The following SEMA4A variants were observed in gnomAD, a reference collection of about 807,000 sequenced individuals.
SEMA4A encodes the protein semaphorin-4A.
SEMA4A carries 52 observed loss-of-function variants against 72.5 expected under a neutral mutation model. The observed-to-expected ratio is 0.72, with a 90% CI of 0.57 to 0.90. SEMA4A has a LOEUF of 0.90. Ranked by LOEUF, SEMA4A falls within the 40% of genes least tolerant of loss-of-function variation. SEMA4A has a pLI of 0.00. For missense variants in SEMA4A, 926 were observed against 959.7 expected, an observed-to-expected ratio of 0.96 and a Z score of 0.46; for synonymous variants, 369 against 393.1, an observed-to-expected ratio of 0.94 and a Z score of 0.73.
rs1653135851 is a variant in SEMA4A, at chr1:156,157,376, G to T, written c.301-694G>T. On this transcript the variant is annotated intron_variant, in intron 3 of 14. Coordinates refer to ENST00000368285, the MANE Select transcript of SEMA4A (RefSeq NM_022367.4). The surrounding 1 kb of genome is among the most constrained non-coding windows in gnomAD (Gnocchi z 4.5). ...TTTTTCTGTTTTTAGTAGAGACGGG[G>T]TTTCACCATGTTGGTCAGCCTGGTC... Among the ~76,000 whole-genome samples the T allele has an allele frequency of 6.6e-6, 1 of 151,494 alleles. No homozygotes were observed. The highest frequency in any genetic ancestry group is 2.4e-5 in the African/African-American group (1 of 41,210).
At position 156,162,811 on chromosome 1, in the gene SEMA4A, G is replaced by A. The variant is rs878928706; in HGVS notation, c.984-133G>A. The A allele has an allele frequency of 2.8e-6, 3 of 1,070,872 alleles. No individual in the cohort carries two copies. In the South Asian group the frequency reaches 3.9e-5, roughly 14 times the overall value. The allele number at this position is 1,070,872 out of a possible 1,614,324, so 66.3% of individuals were successfully genotyped here. A position where few individuals can be genotyped will look rare whatever the true frequency, so the allele number is the denominator to read the frequency against. Reference sequence around the variant, plus strand: ...GCCCTTATCAACACAGTGAGGGGAAGGAGTGGTAGCTGGAGGCTGGCCCAG... The same window carrying A: ...GCCCTTATCAACACAGTGAGGGGAAAGAGTGGTAGCTGGAGGCTGGCCCAG... On this transcript the variant is annotated intron_variant, in intron 9 of 14. Transcript: ENST00000368285.
chr1:156,164,871 G>T (rs572780270), intron 10 of SEMA4A, among the ~76,000 whole-genome samples: 16 of 152,006 alleles, frequency 1.1e-4, no homozygotes, highest in African/African-American at 3.9e-4. Flanking sequence ...CGTGATCTCG[G>T]CTCGCTGCAA....
At chr1:156,170,050 C>T (rs11264450) in intron 10 of SEMA4A, among the ~76,000 whole-genome samples, 62,730 of 151,016 alleles carry the variant, frequency 0.42, 13,183 homozygotes, top group African/African-American at 0.49. Flanking sequence ...GGCCCAGGTG[C>T]GATGGCTGAT....
chr1:156,151,393 C>A (rs1324879066), upstream of SEMA4A, among the ~76,000 whole-genome samples: 5 of 152,258 alleles, frequency 3.3e-5, no homozygotes, highest in African/African-American at 1.2e-4. Context: ...GAGGGGTGCA[C>A]TGCTGGGGGC....
chr1:156,156,084 C>T, intron 2 of SEMA4A: 1 of 376,664 alleles, frequency 2.7e-6, no homozygotes, highest in Non-Finnish European at 5.1e-6. Flanking sequence ...CTGCCTGCTG[C>T]TCCTCATCCT....
chr1:156,154,656 G>A lies in SEMA4A; in HGVS notation c.78G>A (p.Leu26=). The stretch of plus-strand genomic sequence containing the variant: ...TCTTCCAACTGCTTCAGCTGCTGCT[G>A]CCGACGACGACCGCGGGGGGAGGCG... ...LFLFQLLQLL[L]PTTTAGGGGQ... The change falls in exon 2 of 15, where the codon CTG becomes CTA. Residue 26 remains leucine, a synonymous_variant. Coordinates refer to ENST00000368285, the MANE Select transcript of SEMA4A (RefSeq NM_022367.4). 6.2e-7 allele frequency: 1 copy of A among 1,606,260 alleles called. No individual in the cohort carries two copies. Among genetic ancestry groups the A allele is most frequent in the East Asian group, 2.2e-5 (1 of 44,690 alleles).
intron 11 of SEMA4A, among the ~76,000 whole-genome samples, chr1:156,173,550 T>G (rs1215061347): frequency 1.3e-5 from 2 of 151,810 alleles, no homozygotes; most frequent in Admixed American, 6.6e-5. Flanking sequence ...GGTAAAGTTG[T>G]GGCGGGAGCA....
rs527993049 is a variant in SEMA4A, at chr1:156,157,702, C to T, written c.301-368C>T. On this transcript the variant is annotated intron_variant, in intron 3 of 14. Transcript: ENST00000368285. This position sits in a 1 kb window ranked among gnomAD's most constrained non-coding sequence, Gnocchi z 4.5. ...TTAAACAATTTCCCCAGGAAATGTG[C>T]GGTTTGACAACTGCTGCCATATATA... Among the ~76,000 whole-genome samples the T allele has an allele frequency of 2.0e-5, 3 of 152,292 alleles. No homozygotes were observed. Among genetic ancestry groups the T allele is most frequent in the East Asian group, 3.9e-4 (2 of 5,190 alleles).
At chr1:156,156,148 AAGAGCATC>A (rs989433415) in intron 2 of SEMA4A, 4 of 459,822 alleles carry the variant, frequency 8.7e-6, no homozygotes, top group African/African-American at 7.9e-5. Flanking sequence ...CCAGGCCTGG[AAGAGCATC>A]CACTGTGCCT....
At position 156,157,500 on chromosome 1, in the gene SEMA4A, C is replaced by A. The variant is rs1438121005; in HGVS notation, c.301-570C>A. ...TGCCTGGCTGCTTCTGTCTTAGTCG[C>A]CCTATTAATGGGAACAATGTGAGGA... On this transcript the variant is annotated intron_variant, in intron 3 of 14. Transcript: ENST00000368285. The surrounding 1 kb of genome is among the most constrained non-coding windows in gnomAD (Gnocchi z 4.5). 6.6e-6 allele frequency among the ~76,000 whole-genome samples: 1 copy of A among 152,032 alleles called. No homozygotes were observed. Among genetic ancestry groups the A allele is most frequent in the Non-Finnish European group, 1.5e-5 (1 of 68,006 alleles).
intron 14 of SEMA4A, 107 bp from the exon 15 acceptor site, chr1:156,176,298 A>G: frequency 5.1e-6 from 3 of 587,788 alleles, no homozygotes; most frequent in Non-Finnish European, 7.7e-6. Flanking sequence ...CCTGCCTCAA[A>G]AAAAAAAAAA....
At position 156,158,078 on chromosome 1, in the gene SEMA4A, G is replaced by A. The variant is rs754697867; in HGVS notation, c.309G>A (p.Trp103Ter). 19 of 1,614,062 alleles carry A rather than the reference G, an allele frequency of 1.2e-5. No individual in the cohort carries two copies. The highest frequency in any genetic ancestry group is 1.6e-5 in the Non-Finnish European group (19 of 1,179,990). ...GVPRLKNMIP[W>*]PASDRKKSEC... ...CAACTCCCCACTTTCAGATACCGTG[G>A]CCAGCCAGTGACAGAAAAAAGAGTG... Residue 103 changes from tryptophan to a stop codon, truncating the protein, a stop_gained, in exon 4 of 15, where the codon TGG becomes TGA. Transcript: ENST00000368285. LOFTEE classifies it high-confidence loss of function.
In SEMA4A at chr1:156,156,560, A is replaced by G. The variant is rs1344590870; in HGVS notation, c.286A>G (p.Arg96Gly). 1.9e-6 allele frequency: 3 copies of G among 1,613,870 alleles called. No homozygotes were observed. Among genetic ancestry groups the G allele is most frequent in the African/African-American group, 1.3e-5 (1 of 74,912 alleles). The part of the protein sequence containing the change: ...ALDIQDPGVP[R>G]LKNMIPWPAS... ...GGATATCCAGGATCCAGGGGTCCCC[A>G]GGCTAAAGAACATGGTGAGGAGTCC... Residue 96 changes from arginine to glycine, a missense_variant, in exon 3 of 15, where the codon AGG becomes GGG. Transcript: ENST00000368285.
intron 12 of SEMA4A, 33 bp from the exon 13 acceptor site, chr1:156,175,053 G>A (rs779688598): frequency 3.7e-5 from 59 of 1,614,074 alleles, no homozygotes; most frequent in Non-Finnish European, 4.6e-5. Flanking sequence ...AGATGTGGCT[G>A]GGGCTCCCTG....
intron 2 of SEMA4A, chr1:156,154,973 G>A: frequency 1.9e-6 from 1 of 538,302 alleles, no homozygotes; most frequent in Non-Finnish European, 3.3e-6. Flanking sequence ...GCTTCTTCCA[G>A]TTCTCCATGT....
At chr1:156,150,597 C>T (rs1035149736), upstream of SEMA4A, among the ~76,000 whole-genome samples, 2 of 152,046 alleles carry the variant, frequency 1.3e-5, no homozygotes, top group Non-Finnish European at 2.9e-5. Context: ...GGAGTTGCTT[C>T]TCTCCTGGCT....
chr1:156,162,381 G>C (rs921307505), intron 9 of SEMA4A, among the ~76,000 whole-genome samples: 7 of 152,240 alleles, frequency 4.6e-5, no homozygotes, highest in Non-Finnish European at 8.8e-5. Context: ...CAATGTGTCA[G>C]GTACCAAAGG....
intron 10 of SEMA4A, among the ~76,000 whole-genome samples, chr1:156,167,475 C>CAAAAAAAAAAAAAAA (rs58793729): frequency 9.6e-6 from 1 of 103,638 alleles, no homozygotes. Context: ...GACCCTGTCT[C>CAAAAAAAAAAAAAAA]AAAAAAAAAA....
chr1:156,160,896 C>A lies in SEMA4A; in HGVS notation c.686-9C>A, dbSNP rs768801897. On this transcript the variant is annotated splice_polypyrimidine_tract_variant and intron_variant, in intron 7 of 14. Transcript: ENST00000368285. The stretch of plus-strand genomic sequence containing the variant: ...TCAGTCCCTAAGCCCATCTGCCCCT[C>A]CCCCGCAGATGACGCCTCCTTTGTG... The A allele has an allele frequency of 1.5e-5, 25 of 1,613,466 alleles. No homozygotes were observed. Among genetic ancestry groups the A allele is most frequent in the Non-Finnish European group, 1.9e-5 (22 of 1,179,920 alleles).
Sources: allele counts gnomAD v4.1 joint callset (sites outside exome capture counted in the v4.1 genomes callset), GRCh38; gene constraint gnomAD v4.1.1; non-coding constraint Gnocchi (gnomAD v3.1); transcripts MANE v1.5; gene names NCBI Gene and HGNC (gene_info 2026-07-23, HGNC 2026-07-21).